The following SCP2D1 variants were observed in gnomAD, a reference collection of about 807,000 sequenced individuals.
The protein encoded by SCP2D1 is SCP2 sterol binding domain containing 1, also known as SCP2 sterol-binding domain-containing protein 1.
A neutral mutation model predicts 9.2 loss-of-function variants in SCP2D1; 8 were observed. The ratio of observed to expected loss-of-function variants is 0.87; its 90% CI spans 0.51 to 1.57. The LOEUF is 1.57. Ranked by LOEUF, SCP2D1 falls within the 40% of genes most tolerant of loss-of-function variation. SCP2D1 has a pLI of 0.00. For synonymous variants in SCP2D1, 68 were observed against 70.2 expected (o/e 0.97, Z 0.16); for missense variants, 199 against 186.9 (o/e 1.06, Z -0.38).
At position 18,813,971 on chromosome 20, in the gene SCP2D1, G is replaced by A. The variant is rs1202666373; in HGVS notation, c.156G>A (p.Arg52=). The A allele has an allele frequency of 6.2e-7, 1 of 1,614,230 alleles. No homozygotes were observed. The highest frequency in any genetic ancestry group is 1.3e-5 in the African/African-American group (1 of 75,062). Residue 52 remains arginine, a synonymous_variant, in exon 1 of 1, where the codon AGG becomes AGA. Coordinates refer to ENST00000377428, the MANE Select transcript of SCP2D1 (RefSeq NM_178483.3). ...GCTTCCCAGTGTTTCAGGACATTAG[G>A]CTTCACATCAGGGAAGTGGGAGCTC... ...FESFPVFQDI[R]LHIREVGAQL... is the part of the protein sequence containing the mutation.
In SCP2D1 at chr20:18,814,098, A is replaced by C; in HGVS notation, c.283A>C (p.Met95Leu). ...TIDLKNGSGD[M>L]YPGPARLPAD... ...TGATCTGAAGAATGGTTCTGGGGAC[A>C]TGTATCCGGGACCTGCCAGGCTCCC... The change falls in exon 1 of 1, where the codon ATG (methionine) becomes CTG (leucine). Residue 95 changes from methionine to leucine, a missense_variant. By Grantham distance (15) the Met-to-Leu change is conservative (BLOSUM62 2). Transcript: ENST00000377428. 6.2e-7 allele frequency: 1 copy of C among 1,614,214 alleles called. No homozygotes were observed. The highest frequency in any genetic ancestry group is 2.2e-5 in the East Asian group (1 of 44,882).
chr20:18,813,835 A>C lies in SCP2D1; in HGVS notation c.20A>C (p.His7Pro). 1 of 1,612,168 alleles carries C rather than the reference A, an allele frequency of 6.2e-7. No homozygotes were observed. Among genetic ancestry groups the C allele is most frequent in the Non-Finnish European group, 8.5e-7 (1 of 1,179,574 alleles). Residue 7 changes from histidine (H) to proline (P), a missense_variant, in exon 1 of 1, where the codon CAT becomes CCT. Coordinates refer to ENST00000377428, the MANE Select transcript of SCP2D1 (RefSeq NM_178483.3). ...AGGAAGATGTGGAAGAGAAGTGACC[A>C]TCAACCCAAGATCAAAGCAGAGGAT... MWKRSD[H>P]QPKIKAEDGP... is the part of the protein sequence containing the mutation.
rs747654523 is a variant in SCP2D1, at chr20:18,813,823, A to G, written c.8A>G (p.Lys3Arg). The change falls in exon 1 of 1, where the codon AAG becomes AGG. Residue 3 changes from lysine (K) to arginine (R), a missense_variant. Coordinates refer to ENST00000377428, the MANE Select transcript of SCP2D1 (RefSeq NM_178483.3). ...GGGGACTAGCACAGGAAGATGTGGAAGAGAAGTGACCATCAACCCAAGATC... is the reference window on the plus strand; with the variant it reads ...GGGGACTAGCACAGGAAGATGTGGAGGAGAAGTGACCATCAACCCAAGATC... MW[K>R]RSDHQPKIKA... 2 of 1,610,894 alleles carry G rather than the reference A, an allele frequency of 1.2e-6. No homozygotes were observed. The highest frequency in any genetic ancestry group is 3.3e-5 in the Admixed American group (2 of 59,936).
chr20:18,813,787 G>T lies in SCP2D1; in HGVS notation c.-29G>T. On this transcript the variant is annotated 5_prime_UTR_variant, in exon 1 of 1. It removes an upstream start codon present in the reference 5' UTR. Coordinates refer to ENST00000377428, the MANE Select transcript of SCP2D1 (RefSeq NM_178483.3). ...GGTCACAGCTGCTCACAGACTAGAT[G>T]GCAAGGTCCAGGGGACTAGCACAGG... The T allele has an allele frequency of 1.3e-6, 2 of 1,568,228 alleles. No individual in the cohort carries two copies. The highest frequency in any genetic ancestry group is 2.3e-5 in the South Asian group (2 of 87,648).
In SCP2D1 at chr20:18,814,111, C is replaced by T; in HGVS notation, c.296C>T (p.Pro99Leu). The T allele has an allele frequency of 1.2e-6, 2 of 1,614,180 alleles. No individual in the cohort carries two copies. Among genetic ancestry groups the T allele is most frequent in the East Asian group, 4.5e-5 (2 of 44,880 alleles). Residue 99 changes from proline (P) to leucine (L), a missense_variant, in exon 1 of 1, where the codon CCT becomes CTT. Transcript: ENST00000377428. Reference sequence around the variant, plus strand: ...GGTTCTGGGGACATGTATCCGGGACCTGCCAGGCTCCCAGCAGACACTGTC... The same window carrying T: ...GGTTCTGGGGACATGTATCCGGGACTTGCCAGGCTCCCAGCAGACACTGTC... ...KNGSGDMYPG[P>L]ARLPADTVFT...
In SCP2D1 at chr20:18,814,208, C is replaced by T. The variant is rs369264069; in HGVS notation, c.393C>T (p.Ala131=). ...GKMNPQKAFL[A]GKFKVSGKVL... ...TGAACCCGCAGAAGGCTTTCCTTGC[C>T]GGAAAGTTCAAAGTGAGTGGCAAGG... The change falls in exon 1 of 1, where the codon GCC becomes GCT. Residue 131 remains alanine, a synonymous_variant. Coordinates refer to ENST00000377428, the MANE Select transcript of SCP2D1 (RefSeq NM_178483.3). The T allele has an allele frequency of 2.7e-5, 44 of 1,613,906 alleles. No homozygotes were observed. The highest frequency in any genetic ancestry group is 1.6e-4 in the African/African-American group (12 of 74,846).
In SCP2D1 at chr20:18,814,157, C is replaced by G. The variant is rs1417459602; in HGVS notation, c.342C>G (p.Val114=). Residue 114 remains valine, a synonymous_variant, in exon 1 of 1, where the codon GTC becomes GTG. Coordinates refer to ENST00000377428, the MANE Select transcript of SCP2D1 (RefSeq NM_178483.3). ...ADTVFTIPES[V]FMELVLGKMN... is the part of the protein sequence containing the mutation. Reference sequence around the variant, plus strand: ...CTGTCTTTACAATCCCGGAGTCTGTCTTTATGGAGCTGGTTTTGGGCAAAA... The same window carrying G: ...CTGTCTTTACAATCCCGGAGTCTGTGTTTATGGAGCTGGTTTTGGGCAAAA... 1 of 1,614,032 alleles carries G rather than the reference C, an allele frequency of 6.2e-7. No homozygotes were observed. Among genetic ancestry groups the G allele is most frequent in the Non-Finnish European group, 8.5e-7 (1 of 1,180,030 alleles).
In SCP2D1 at chr20:18,814,036, T is replaced by G. The variant is rs1032266276; in HGVS notation, c.221T>G (p.Ile74Ser). 11 of 1,614,202 alleles carry G rather than the reference T, an allele frequency of 6.8e-6. No homozygotes were observed. The highest frequency in any genetic ancestry group is 9.3e-6 in the Non-Finnish European group (11 of 1,180,036). Residue 74 changes from isoleucine to serine, a missense_variant, in exon 1 of 1, where the codon ATC becomes AGC. Transcript: ENST00000377428. ...KKVNAVFQLDITKNGKTILRW... is the reference protein window; with the variant it reads ...KKVNAVFQLDSTKNGKTILRW... ...GTCAATGCCGTCTTTCAGCTGGACA[T>G]CACCAAAAATGGGAAGACCATTTTG...
Position 18,814,252 on chromosome 20 carries a change from T to C in SCP2D1, c.437T>C (p.Leu146Pro). 1.2e-6 allele frequency: 2 copies of C among 1,613,696 alleles called. No individual in the cohort carries two copies. Among genetic ancestry groups the C allele is most frequent in the Non-Finnish European group, 1.7e-6 (2 of 1,179,774 alleles). The change falls in exon 1 of 1, where the codon CTG becomes CCG. Residue 146 changes from leucine (L) to proline (P), a missense_variant. Physicochemically the swap from Leu to Pro is moderately conservative, Grantham distance 98. Transcript: ENST00000377428. ...GGCAAGGTTCTGCTTAGCTGGAAGC[T>C]GGAAAGGGTTTTCAAAGACTGGGCT... ...VSGKVLLSWK[L>P]ERVFKDWAKF
Position 18,813,987 on chromosome 20 carries a change from G to C in SCP2D1, c.172G>C (p.Val58Leu). The C allele has an allele frequency of 6.2e-7, 1 of 1,613,982 alleles. No homozygotes were observed. Among genetic ancestry groups the C allele is most frequent in the Non-Finnish European group, 8.5e-7 (1 of 1,180,046 alleles). The change falls in exon 1 of 1, where the codon GTG (valine) becomes CTG (leucine). Residue 58 changes from valine (V) to leucine (L), a missense_variant. Physicochemically the swap from Val to Leu is conservative, Grantham distance 32. Transcript: ENST00000377428. Reference protein sequence around the residue: ...FQDIRLHIREVGAQLVKKVNA... With the variant: ...FQDIRLHIRELGAQLVKKVNA... ...GGACATTAGGCTTCACATCAGGGAAGTGGGAGCTCAATTGGTCAAGAAAGT... is the reference window on the plus strand; with the variant it reads ...GGACATTAGGCTTCACATCAGGGAACTGGGAGCTCAATTGGTCAAGAAAGT...
Position 18,813,973 on chromosome 20 carries a change from T to C in SCP2D1, c.158T>C (p.Leu53Pro), listed in dbSNP as rs1168007012. 1.2e-6 allele frequency: 2 copies of C among 1,614,210 alleles called. No individual in the cohort carries two copies. Among genetic ancestry groups the C allele is most frequent in the East Asian group, 2.2e-5 (1 of 44,876 alleles). The change falls in exon 1 of 1, where the codon CTT becomes CCT. Residue 53 changes from leucine (L) to proline (P), a missense_variant. Physicochemically the swap from Leu to Pro is moderately conservative, Grantham distance 98. Coordinates refer to ENST00000377428, the MANE Select transcript of SCP2D1 (RefSeq NM_178483.3). Reference protein sequence around the residue: ...ESFPVFQDIRLHIREVGAQLV... With the variant: ...ESFPVFQDIRPHIREVGAQLV... The stretch of plus-strand genomic sequence containing the variant: ...TTCCCAGTGTTTCAGGACATTAGGC[T>C]TCACATCAGGGAAGTGGGAGCTCAA...
chr20:18,814,289 A>C lies in SCP2D1; in HGVS notation c.*3A>C, dbSNP rs766271409. 1 of 1,597,546 alleles carries C rather than the reference A, an allele frequency of 6.3e-7. No homozygotes were observed. The highest frequency in any genetic ancestry group is 1.1e-5 in the South Asian group (1 of 90,318). The stretch of plus-strand genomic sequence containing the variant: ...TCAAAGACTGGGCTAAATTTTAAGC[A>C]TGCAAAAATACCAAGGAAGAACTTC... On this transcript the variant is annotated 3_prime_UTR_variant, in exon 1 of 1. Coordinates refer to ENST00000377428, the MANE Select transcript of SCP2D1 (RefSeq NM_178483.3).
At position 18,814,266 on chromosome 20, in the gene SCP2D1, A is replaced by G. The variant is rs767064039; in HGVS notation, c.451A>G (p.Lys151Glu). The G allele has an allele frequency of 2.5e-5, 40 of 1,612,592 alleles. No individual in the cohort carries two copies. The highest frequency in any genetic ancestry group is 3.1e-5 in the Non-Finnish European group (36 of 1,179,064). Reference protein sequence around the residue: ...LLSWKLERVFKDWAKF With the variant: ...LLSWKLERVFEDWAKF ...TAGCTGGAAGCTGGAAAGGGTTTTCAAAGACTGGGCTAAATTTTAAGCATG... is the reference window on the plus strand; with the variant it reads ...TAGCTGGAAGCTGGAAAGGGTTTTCGAAGACTGGGCTAAATTTTAAGCATG... Residue 151 changes from lysine (K) to glutamate (E), a missense_variant, in exon 1 of 1, where the codon AAA becomes GAA. By Grantham distance (56) the Lys-to-Glu change is moderately conservative. Transcript: ENST00000377428.
Position 18,814,231 on chromosome 20 carries a change from A to G in SCP2D1, c.416A>G (p.Lys139Arg), listed in dbSNP as rs1265023747. The change falls in exon 1 of 1, where the codon AAG (lysine) becomes AGG (arginine). Residue 139 changes from lysine (K) to arginine (R), a missense_variant. Lys to Arg is a conservative substitution (Grantham distance 26). Coordinates refer to ENST00000377428, the MANE Select transcript of SCP2D1 (RefSeq NM_178483.3). ...FLAGKFKVSGKVLLSWKLERV... is the reference protein window; with the variant it reads ...FLAGKFKVSGRVLLSWKLERV... ...GCCGGAAAGTTCAAAGTGAGTGGCA[A>G]GGTTCTGCTTAGCTGGAAGCTGGAA... The G allele has an allele frequency of 3.1e-6, 5 of 1,614,188 alleles. No homozygotes were observed. In the East Asian group the frequency reaches 8.9e-5, roughly 29 times the overall value.
At position 18,814,006 on chromosome 20, in the gene SCP2D1, A is replaced by C; in HGVS notation, c.191A>C (p.Lys64Thr). ...HIREVGAQLV[K>T]KVNAVFQLDI... is the part of the protein sequence containing the mutation. Reference sequence around the variant, plus strand: ...AGGGAAGTGGGAGCTCAATTGGTCAAGAAAGTCAATGCCGTCTTTCAGCTG... The same window carrying C: ...AGGGAAGTGGGAGCTCAATTGGTCACGAAAGTCAATGCCGTCTTTCAGCTG... Residue 64 changes from lysine to threonine, a missense_variant, in exon 1 of 1, where the codon AAG becomes ACG. Physicochemically the swap from Lys to Thr is moderately conservative, Grantham distance 78. Transcript: ENST00000377428. The C allele has an allele frequency of 6.2e-7, 1 of 1,614,234 alleles. No homozygotes were observed. The highest frequency in any genetic ancestry group is 8.5e-7 in the Non-Finnish European group (1 of 1,180,044).
rs2061498213 is a variant in SCP2D1, at chr20:18,814,003, T to C, written c.188T>C (p.Val63Ala). 5.0e-6 allele frequency: 8 copies of C among 1,614,094 alleles called. No homozygotes were observed. Among genetic ancestry groups the C allele is most frequent in the Non-Finnish European group, 6.8e-6 (8 of 1,180,046 alleles). Residue 63 changes from valine to alanine, a missense_variant, in exon 1 of 1, where the codon GTC becomes GCC. By Grantham distance (64) the Val-to-Ala change is moderately conservative. Transcript: ENST00000377428. ...ATCAGGGAAGTGGGAGCTCAATTGGTCAAGAAAGTCAATGCCGTCTTTCAG... is the reference window on the plus strand; with the variant it reads ...ATCAGGGAAGTGGGAGCTCAATTGGCCAAGAAAGTCAATGCCGTCTTTCAG... ...LHIREVGAQL[V>A]KKVNAVFQLD...
chr20:18,814,243 G>C lies in SCP2D1; in HGVS notation c.428G>C (p.Ser143Thr), dbSNP rs2061500318. 1 of 1,613,918 alleles carries C rather than the reference G, an allele frequency of 6.2e-7. No individual in the cohort carries two copies. Among genetic ancestry groups the C allele is most frequent in the African/African-American group, 1.3e-5 (1 of 74,922 alleles). The change falls in exon 1 of 1, where the codon AGC becomes ACC. Residue 143 changes from serine (S) to threonine (T), a missense_variant. Ser to Thr is a moderately conservative substitution (Grantham distance 58). Coordinates refer to ENST00000377428, the MANE Select transcript of SCP2D1 (RefSeq NM_178483.3). ...AAAGTGAGTGGCAAGGTTCTGCTTA[G>C]CTGGAAGCTGGAAAGGGTTTTCAAA... ...KFKVSGKVLL[S>T]WKLERVFKDW...
chr20:18,814,192 A>G lies in SCP2D1; in HGVS notation c.377A>G (p.Gln126Arg), dbSNP rs1330608653. The change falls in exon 1 of 1, where the codon CAG becomes CGG. Residue 126 changes from glutamine to arginine, a missense_variant. By Grantham distance (43) the Gln-to-Arg change is conservative. Coordinates refer to ENST00000377428, the MANE Select transcript of SCP2D1 (RefSeq NM_178483.3). ...CTGGTTTTGGGCAAAATGAACCCGCAGAAGGCTTTCCTTGCCGGAAAGTTC... is the reference window on the plus strand; with the variant it reads ...CTGGTTTTGGGCAAAATGAACCCGCGGAAGGCTTTCCTTGCCGGAAAGTTC... ...MELVLGKMNP[Q>R]KAFLAGKFKV... The G allele has an allele frequency of 1.2e-6, 2 of 1,614,182 alleles. No homozygotes were observed. Among genetic ancestry groups the G allele is most frequent in the Admixed American group, 1.7e-5 (1 of 60,012 alleles).
In SCP2D1 at chr20:18,813,813, A is replaced by C. The variant is rs748896831; in HGVS notation, c.-3A>C. 5.6e-6 allele frequency: 9 copies of C among 1,608,258 alleles called. No individual in the cohort carries two copies. Among genetic ancestry groups the C allele is most frequent in the Non-Finnish European group, 1.7e-6 (2 of 1,176,954 alleles). ...GCAAGGTCCAGGGGACTAGCACAGG[A>C]AGATGTGGAAGAGAAGTGACCATCA... On this transcript the variant is annotated 5_prime_UTR_variant, in exon 1 of 1. Transcript: ENST00000377428.
Sources: allele counts gnomAD v4.1 joint callset, GRCh38; gene constraint gnomAD v4.1.1; transcripts MANE v1.5; gene names NCBI Gene and HGNC (gene_info 2026-07-23, HGNC 2026-07-21).